The following CNTD1 variants were observed in gnomAD, a reference collection of about 807,000 sequenced individuals.
CNTD1 encodes the protein cyclin N-terminal domain containing 1, also known as cyclin N-terminal domain-containing protein 1.
In CNTD1, 17 loss-of-function variants were observed where a neutral mutation model predicts 36.3. The ratio of observed to expected loss-of-function variants is 0.47; its 90% confidence interval spans 0.32 to 0.70. The LOEUF (loss-of-function observed/expected upper bound fraction) is 0.70, where lower values mean the gene tolerates loss of function less well. Ranked by LOEUF, CNTD1 falls within the 30% of genes least tolerant of loss-of-function variation. The pLI, the probability that CNTD1 is intolerant of heterozygous loss-of-function variation, is 0.03. For synonymous variants in CNTD1, 128 were observed against 153.3 expected, an observed-to-expected ratio of 0.83 and a Z score of 1.22; for missense variants, 338 against 386.1, an observed-to-expected ratio of 0.88 and a Z score of 1.04.
chr17:42,805,537 G>T, intron 3 of CNTD1, 185 bp from the exon 4 acceptor site: 1 of 489,066 alleles, frequency 2.0e-6, no homozygotes, highest in Non-Finnish European at 3.7e-6. Context: ...GCTTGGAGAG[G>T]GACAGCATGG....
intron 3 of CNTD1, among the ~76,000 whole-genome samples, chr17:42,805,169 T>C (rs1406053112): frequency 6.6e-6 from 1 of 152,192 alleles, no homozygotes; most frequent in African/African-American, 2.4e-5. Context: ...CACTACCCAA[T>C]GCCTATACAG....
In CNTD1 at chr17:42,810,447, A is replaced by T; in HGVS notation, c.*912A>T. 5.6e-6 allele frequency: 1 copy of T among 179,484 alleles called. No individual in the cohort carries two copies. The highest frequency in any genetic ancestry group is 1.2e-5 in the Non-Finnish European group (1 of 86,192). The allele number at this position is 179,484 out of a possible 1,614,324, so 11.1% of individuals were successfully genotyped here. A position where few individuals can be genotyped will look rare whatever the true frequency, so the allele number is the denominator to read the frequency against. On this transcript the variant is annotated 3_prime_UTR_variant, in exon 7 of 7. Transcript: ENST00000588408. ...AGAGATAAAAATCCAGTGAAAACAC[A>T]TCAATCTCAATTCAACTCAGTTAAA...
intron 3 of CNTD1, 64 bp downstream of exon 3, chr17:42,804,460 G>A (rs1003957422): frequency 2.0e-5 from 28 of 1,406,642 alleles, no homozygotes; most frequent in Admixed American, 5.9e-5. Context: ...TTATACAAAG[G>A]GGGGCTGTGA....
Position 42,804,254 on chromosome 17 carries a change from G to A in CNTD1, c.275G>A (p.Cys92Tyr). ...RFMVKQAENI[C>Y]RQATIQPRDN... ...ATGGTAAAACAGGCAGAGAACATCT[G>A]CAGGCAAGCCACAATCCAGCCAAGA... Residue 92 changes from cysteine (C) to tyrosine (Y), a missense_variant, in exon 3 of 7, where the codon TGC becomes TAC. By Grantham distance (194) the Cys-to-Tyr change is radical. Coordinates refer to ENST00000588408, the MANE Select transcript of CNTD1 (RefSeq NM_173478.3). 6.2e-7 allele frequency: 1 copy of A among 1,614,050 alleles called. No homozygotes were observed. The highest frequency in any genetic ancestry group is 8.5e-7 in the Non-Finnish European group (1 of 1,179,972).
rs2054829739 is a variant in CNTD1 at position 42,803,622 on chromosome 17, T to C, written c.172T>C (p.Phe58Leu). The C allele has an allele frequency of 1.9e-6, 3 of 1,613,014 alleles. No homozygotes were observed. The East Asian group carries it at 6.7e-5, about 36-fold the overall frequency. Residue 58 changes from phenylalanine to leucine, a missense_variant and splice_region_variant, in exon 2 of 7, where the codon TTT becomes CTT. Physicochemically the swap from Phe to Leu is conservative, Grantham distance 22. Coordinates refer to ENST00000588408, the MANE Select transcript of CNTD1 (RefSeq NM_173478.3). Reference protein sequence around the residue: ...GRFREPQIVEFVFLLSEQWCL... With the variant: ...GRFREPQIVELVFLLSEQWCL... Reference sequence around the variant, plus strand: ...GCTCTTTTTTCCTGTTTTGGCAGAGTTTGTTTTTCTCCTGTCTGAACAATG... The same window carrying C: ...GCTCTTTTTTCCTGTTTTGGCAGAGCTTGTTTTTCTCCTGTCTGAACAATG...
Position 42,809,625 on chromosome 17 carries a change from C to T in CNTD1, c.*90C>T. On this transcript the variant is annotated 3_prime_UTR_variant, in exon 7 of 7. Coordinates refer to ENST00000588408, the MANE Select transcript of CNTD1 (RefSeq NM_173478.3). The stretch of plus-strand genomic sequence containing the variant: ...CTTTCATACTAAGGGTACAAAAATT[C>T]CAAGTCTCTTTTGAACTGTATTTTG... 1 of 1,223,334 alleles carries T rather than the reference C, an allele frequency of 8.2e-7. No homozygotes were observed. The highest frequency in any genetic ancestry group is 1.2e-6 in the Non-Finnish European group (1 of 867,164). 75.8% of individuals were successfully genotyped at this position (1,223,334 alleles called of 1,614,324 possible). A position where few individuals can be genotyped will look rare whatever the true frequency, so the allele number is the denominator to read the frequency against.
chr17:42,806,869 A>G (rs1189083711), intron 5 of CNTD1, 51 bp downstream of exon 5: 4 of 1,571,400 alleles, frequency 2.5e-6, no homozygotes, highest in Non-Finnish European at 3.5e-6. Flanking sequence ...GGAAGGGGAG[A>G]CAGACCACAA....
intron 6 of CNTD1, 105 bp downstream of exon 6, chr17:42,807,969 A>T: frequency 1.2e-6 from 1 of 827,630 alleles, no homozygotes; most frequent in Non-Finnish European, 2.0e-6. Flanking sequence ...AAGTGCCAAG[A>T]CCCAGGATTA....
chr17:42,799,237 G>A lies in CNTD1; in HGVS notation c.169+1G>A, dbSNP rs2054730106. 1.9e-6 allele frequency: 3 copies of A among 1,612,664 alleles called. No individual in the cohort carries two copies. The highest frequency in any genetic ancestry group is 2.5e-6 in the Non-Finnish European group (3 of 1,179,522). ...CGCTTCAGGGAGCCCCAGATCGTGG[G>A]TGCGGCTGCAGGGCCGGGGTGCTGG... is the stretch of plus-strand genomic sequence containing the variant. On this transcript the variant is annotated splice_donor_variant, in intron 1 of 6. Transcript: ENST00000588408. LOFTEE classifies it high-confidence loss of function.
rs780393099 is a variant in CNTD1 at position 42,799,752 on chromosome 17, CAAAAAAAA to C, written c.169+540_169+547del. 8.2e-3 allele frequency among the ~76,000 whole-genome samples: 87 copies of C among 10,582 alleles called. 1 individual carries two copies. The highest frequency in any genetic ancestry group is 0.019 in the African/African-American group (78 of 4,080). 6.9% of individuals were successfully genotyped at this position (10,582 alleles called of 152,430 possible). ...AGACGACAAGAATGAAACTCCGTCT[CAAAAAAAA>C]AAAAAAAAAAAAAAAAAAAAAAAGG... On this transcript the variant is annotated intron_variant, in intron 1 of 6. Transcript: ENST00000588408.
At chr17:42,800,045 C>A (rs1251106195) in intron 1 of CNTD1, among the ~76,000 whole-genome samples, 1 of 127,484 alleles carries the variant, frequency 7.8e-6, no homozygotes, top group East Asian at 2.2e-4. Context: ...GCCTGAGTGA[C>A]GGGTGACAGA....
intron 1 of CNTD1, among the ~76,000 whole-genome samples, chr17:42,800,180 G>A (rs1597910469): frequency 6.6e-6 from 1 of 152,032 alleles, no homozygotes; most frequent in East Asian, 1.9e-4. Flanking sequence ...GCAATGACTA[G>A]GTACTATGGT....
In CNTD1 at chr17:42,799,250, G is replaced by T. The variant is rs774125355; in HGVS notation, c.169+14G>T. 10 of 1,609,804 alleles carry T rather than the reference G, an allele frequency of 6.2e-6. No individual in the cohort carries two copies. Among genetic ancestry groups the T allele is most frequent in the Non-Finnish European group, 8.5e-6 (10 of 1,178,524 alleles). On this transcript the variant is annotated intron_variant, in intron 1 of 6. Transcript: ENST00000588408. Reference sequence around the variant, plus strand: ...CCCAGATCGTGGGTGCGGCTGCAGGGCCGGGGTGCTGGGTTCTTGGGAGAC... The same window carrying T: ...CCCAGATCGTGGGTGCGGCTGCAGGTCCGGGGTGCTGGGTTCTTGGGAGAC...
intron 1 of CNTD1, among the ~76,000 whole-genome samples, chr17:42,799,801 C>T (rs1385988018): frequency 7.2e-6 from 1 of 138,688 alleles, no homozygotes; most frequent in African/African-American, 2.8e-5. Context: ...CGCGGTGGCT[C>T]ACGCCTGTAA....
chr17:42,799,918 G>A (rs2054747374), intron 1 of CNTD1, among the ~76,000 whole-genome samples: 1 of 151,296 alleles, frequency 6.6e-6, no homozygotes, highest in Admixed American at 6.6e-5. Context: ...ACAAAAAAAA[G>A]CCGGGTGTGG....
intron 2 of CNTD1, 118 bp from the exon 3 acceptor site, chr17:42,804,107 G>A: frequency 2.2e-6 from 2 of 912,652 alleles, no homozygotes; most frequent in Non-Finnish European, 1.6e-6. Flanking sequence ...CCAAAGTGCT[G>A]GGATTACAGG....
chr17:42,801,529 AT>A lies in CNTD1; in HGVS notation c.170-2090del, dbSNP rs1567660206. Among the ~76,000 whole-genome samples, 9 of 81,108 alleles carry A rather than the reference AT, an allele frequency of 1.1e-4. No individual in the cohort carries two copies. In the South Asian group the frequency reaches 3.4e-3, roughly 30 times the overall value. The allele number at this position is 81,108 out of a possible 152,430, so 53.2% of individuals were successfully genotyped here. On this transcript the variant is annotated intron_variant, in intron 1 of 6. Coordinates refer to ENST00000588408, the MANE Select transcript of CNTD1 (RefSeq NM_173478.3). ...AAAAAAAATATATATATATATATATATATATATATATATATATAATATATGT... is the reference window on the plus strand; with the variant it reads ...AAAAAAAATATATATATATATATATAATATATATATATATATAATATATGT...
In CNTD1 at chr17:42,811,379, GA is replaced by G; in HGVS notation, c.*1849del. On this transcript the variant is annotated 3_prime_UTR_variant, in exon 7 of 7. Coordinates refer to ENST00000588408, the MANE Select transcript of CNTD1 (RefSeq NM_173478.3). ...CCTGTGTATTTCCAAGGGCTTCAGG[GA>G]AAAACCTTCTTGAAACTGGAGAGGA... 1 of 355,390 alleles carries G rather than the reference GA, an allele frequency of 2.8e-6. No homozygotes were observed. Among genetic ancestry groups the G allele is most frequent in the Non-Finnish European group, 5.0e-6 (1 of 199,942 alleles). The allele number at this position is 355,390 out of a possible 1,614,324, so 22.0% of individuals were successfully genotyped here. A position where few individuals can be genotyped will look rare whatever the true frequency, so the allele number is the denominator to read the frequency against.
At chr17:42,799,882 G>T (rs182974655) in intron 1 of CNTD1, among the ~76,000 whole-genome samples, 1 of 150,270 alleles carries the variant, frequency 6.7e-6, no homozygotes, top group Non-Finnish European at 1.5e-5. Flanking sequence ...TGGCTAACAT[G>T]GTGAAACCCC....
Sources: gnomAD v4.1 joint callset for allele counts (sites outside exome capture counted in the v4.1 genomes callset) on GRCh38, gnomAD v4.1.1 for gene constraint, MANE v1.5 for transcripts, NCBI Gene and HGNC (gene_info 2026-07-23, HGNC 2026-07-21) for gene names.